MOG: variants seen among roughly 807,000 people sequenced by gnomAD.
MOG encodes the protein myelin-oligodendrocyte glycoprotein.
MOG carries 20 observed loss-of-function variants against 35.9 expected under a neutral mutation model. That is an observed-to-expected ratio of 0.56 (90% CI 0.39 to 0.81). The LOEUF (loss-of-function observed/expected upper bound fraction) is 0.81. Ranked by LOEUF, MOG falls within the 30% of genes least tolerant of loss-of-function variation. The pLI is 0.00. For synonymous variants in MOG, 92 were observed against 114.3 expected (o/e 0.80, Z 1.25); for missense variants, 251 against 301.0 (o/e 0.83, Z 1.23).
rs1317041947 is a variant in MOG at position 29,671,474 on chromosome 6, C to T, written c.*289C>T. On this transcript the variant is annotated 3_prime_UTR_variant, in exon 8 of 8. Transcript: ENST00000376917. ...AAGGACAGGCAGGTGCCCCTCTCTC[C>T]ATCAGAGGACACCTGTACTGGAGAG... 6.2e-6 allele frequency: 9 copies of T among 1,440,928 alleles called. No individual in the cohort carries two copies. The highest frequency in any genetic ancestry group is 8.8e-6 in the Non-Finnish European group (9 of 1,023,428). 89.3% of individuals were successfully genotyped at this position (1,440,928 alleles called of 1,614,324 possible).
chr6:29,666,315 G>A, intron 3 of MOG, 50 bp downstream of exon 3: 1 of 1,051,418 alleles, frequency 9.5e-7, no homozygotes, highest in African/African-American at 1.6e-5. Flanking sequence ...AAATGAGCTG[G>A]CTTCTTGGAG....
chr6:29,658,175 C>T (rs370187371), intron 1 of MOG, among the ~76,000 whole-genome samples: 8 of 152,330 alleles, frequency 5.3e-5, no homozygotes, highest in African/African-American at 1.9e-4. Context: ...AGACTTTGCT[C>T]TGCATAATCA....
chr6:29,666,282 G>A lies in MOG; in HGVS notation c.550+17G>A, dbSNP rs1770202666. 1 of 1,464,218 alleles carries A rather than the reference G, an allele frequency of 6.8e-7. No individual in the cohort carries two copies. Among genetic ancestry groups the A allele is most frequent in the South Asian group, 1.1e-5 (1 of 88,100 alleles). The allele number at this position is 1,464,218 out of a possible 1,614,324, so 90.7% of individuals were successfully genotyped here. On this transcript the variant is annotated intron_variant, in intron 3 of 7. Coordinates refer to ENST00000376917, the MANE Select transcript of MOG (RefSeq NM_206809.4). ...GACTGAGAGGTACAGGGCAGAGGGT[G>A]GGTGGATCAGGATCCTTTCTTTAAA...
Position 29,666,148 on chromosome 6 carries a change from T to G in MOG, c.437-4T>G. On this transcript the variant is annotated splice_polypyrimidine_tract_variant and splice_region_variant and intron_variant, in intron 2 of 7. Transcript: ENST00000376917. ...CAATGTCAAATGTCAGTCCTGCCTTTCAGATCCTTTCTACTGGGTGAGCCC... is the reference window on the plus strand; with the variant it reads ...CAATGTCAAATGTCAGTCCTGCCTTGCAGATCCTTTCTACTGGGTGAGCCC... The G allele has an allele frequency of 1.2e-6, 2 of 1,601,772 alleles. No homozygotes were observed. Among genetic ancestry groups the G allele is most frequent in the South Asian group, 1.1e-5 (1 of 90,870 alleles).
intron 1 of MOG, among the ~76,000 whole-genome samples, chr6:29,657,930 C>T (rs1474350388): frequency 6.6e-6 from 1 of 152,166 alleles, no homozygotes; most frequent in South Asian, 2.1e-4. Flanking sequence ...CAGGCATGAG[C>T]CATTGCGTCT....
In MOG at chr6:29,670,091, A is replaced by T; in HGVS notation, c.593-190A>T. 1 of 1,004,558 alleles carries T rather than the reference A, an allele frequency of 1.0e-6. No homozygotes were observed. Among genetic ancestry groups the T allele is most frequent in the African/African-American group, 1.6e-5 (1 of 62,858 alleles). The allele number at this position is 1,004,558 out of a possible 1,614,324, so 62.2% of individuals were successfully genotyped here. A position where few individuals can be genotyped will look rare whatever the true frequency, so the allele number is the denominator to read the frequency against. On this transcript the variant is annotated intron_variant, in intron 5 of 7. Coordinates refer to ENST00000376917, the MANE Select transcript of MOG (RefSeq NM_206809.4). This position sits in a 1 kb window ranked among gnomAD's most constrained non-coding sequence, Gnocchi z 4.2. ...GCAGTTGTTACATTTTTAATGAAAG[A>T]AAATGTTAAATCCAGTTATTGAAAA... is the stretch of plus-strand genomic sequence containing the variant.
chr6:29,665,333 C>A (rs182714491), intron 2 of MOG, among the ~76,000 whole-genome samples: 2,842 of 151,886 alleles, frequency 0.019, 44 homozygotes, highest in Admixed American at 0.034. Context: ...CAACCTCAGG[C>A]GATCCGCCCG....
chr6:29,662,072 C>T lies in MOG; in HGVS notation c.436+2406C>T. On this transcript the variant is annotated intron_variant, in intron 2 of 7. Coordinates refer to ENST00000376917, the MANE Select transcript of MOG (RefSeq NM_206809.4). The surrounding 1 kb of genome is among the most constrained non-coding windows in gnomAD (Gnocchi z 4.2). ...TATTGCAAGTCTCAGGTGTAACTAC[C>T]TCTGCTCTTTCTCTGAAGAGTTTCT... 3.0e-6 allele frequency: 3 copies of T among 985,376 alleles called. No individual in the cohort carries two copies. The highest frequency in any genetic ancestry group is 3.6e-6 in the Non-Finnish European group (3 of 829,906). 61.0% of individuals were successfully genotyped at this position (985,376 alleles called of 1,614,324 possible).
At chr6:29,665,536 A>G (rs114103542) in intron 2 of MOG, among the ~76,000 whole-genome samples, 1,632 of 151,884 alleles carry the variant, frequency 0.011, no homozygotes, top group Admixed American at 0.02. Flanking sequence ...TTTATTCCCT[A>G]TTTAAGCTTT....
chr6:29,667,644 A>G lies in MOG; in HGVS notation c.552A>G (p.Gly184=). ...IFLCLQYRLR[G]KLRAEIENLH... ...AAATGTTGCCTTTTTCTATTTTAGGAAAACTTCGAGCAGAGATAGGTGAGT... is the reference window on the plus strand; with the variant it reads ...AAATGTTGCCTTTTTCTATTTTAGGGAAACTTCGAGCAGAGATAGGTGAGT... The change falls in exon 4 of 8, where the codon GGA becomes GGG. Residue 184 remains glycine, a splice_region_variant and synonymous_variant. Coordinates refer to ENST00000376917, the MANE Select transcript of MOG (RefSeq NM_206809.4). 6.2e-7 allele frequency: 1 copy of G among 1,613,830 alleles called. No individual in the cohort carries two copies. Among genetic ancestry groups the G allele is most frequent in the South Asian group, 1.1e-5 (1 of 91,058 alleles).
rs2127542506 is a variant in MOG at position 29,672,293 on chromosome 6, T to TAAAC, written c.*1111_*1112insCAAA. 1.2e-5 allele frequency: 1 copy of TAAAC among 84,466 alleles called. No homozygotes were observed. Among genetic ancestry groups the TAAAC allele is most frequent in the South Asian group, 4.5e-4 (1 of 2,222 alleles). 5.2% of individuals were successfully genotyped at this position (84,466 alleles called of 1,614,324 possible). On this transcript the variant is annotated 3_prime_UTR_variant, in exon 8 of 8. Coordinates refer to ENST00000376917, the MANE Select transcript of MOG (RefSeq NM_206809.4). ...ACAGAGTAAGACTCTGTCTCAAAAA[T>TAAAC]AAATAAATAAATAAATAAATAAATA...
At chr6:29,669,978 C>T (rs1771099665) in intron 5 of MOG, 1 of 652,652 alleles carries the variant, frequency 1.5e-6, no homozygotes, top group East Asian at 2.7e-5. Flanking sequence ...ACCATGTTGG[C>T]CTGGCTGGTC....
chr6:29,662,583 C>T lies in MOG; in HGVS notation c.436+2917C>T, dbSNP rs2982834. ...ACTTGTCAATCCAGGGACCACCCAC[C>T]TCACCGGCTCCCCACTCATTACCAC... On this transcript the variant is annotated intron_variant, in intron 2 of 7. Coordinates refer to ENST00000376917, the MANE Select transcript of MOG (RefSeq NM_206809.4). This position sits in a 1 kb window ranked among gnomAD's most constrained non-coding sequence, Gnocchi z 4.2. Among the ~76,000 whole-genome samples, 10,909 of 152,218 alleles carry T rather than the reference C, an allele frequency of 0.072. 728 individuals are homozygous for T. Among genetic ancestry groups the T allele is most frequent in the African/African-American group, 0.17 (7,095 of 41,502 alleles).
In MOG at chr6:29,670,103, C is replaced by A; in HGVS notation, c.593-178C>A. ...TTTTTAATGAAAGAAAATGTTAAAT[C>A]CAGTTATTGAAAATAAGGAGGCAGT... On this transcript the variant is annotated intron_variant, in intron 5 of 7. Coordinates refer to ENST00000376917, the MANE Select transcript of MOG (RefSeq NM_206809.4). This position sits in a 1 kb window ranked among gnomAD's most constrained non-coding sequence, Gnocchi z 4.2. The A allele has an allele frequency of 1.9e-6, 2 of 1,053,048 alleles. No homozygotes were observed. Among genetic ancestry groups the A allele is most frequent in the Non-Finnish European group, 3.0e-6 (2 of 675,456 alleles). 65.2% of individuals were successfully genotyped at this position (1,053,048 alleles called of 1,614,324 possible). A position where few individuals can be genotyped will look rare whatever the true frequency, so the allele number is the denominator to read the frequency against.
intron 5 of MOG, among the ~76,000 whole-genome samples, chr6:29,669,409 G>C (rs1485898823): frequency 6.6e-6 from 1 of 151,768 alleles, no homozygotes; most frequent in Non-Finnish European, 1.5e-5. Context: ...TCCTGCCTCA[G>C]CCTCCCAAGT....
At chr6:29,661,816 C>CAAAAA (rs9278231) in intron 2 of MOG, 4 of 874,354 alleles carry the variant, frequency 4.6e-6, no homozygotes, top group Non-Finnish European at 5.2e-6. Flanking sequence ...AACTCCATCT[C>CAAAAA]AAAAAAAAAA....
chr6:29,672,289 AAAAT>A lies in MOG; in HGVS notation c.*1148_*1151del, dbSNP rs200245124. 35,189 of 167,622 alleles carry A rather than the reference AAAAT, an allele frequency of 0.21. 3,831 individuals are homozygous for A. Among genetic ancestry groups the A allele is most frequent in the East Asian group, 0.26 (1,721 of 6,728 alleles). 10.4% of individuals were successfully genotyped at this position (167,622 alleles called of 1,614,324 possible). ...AGTGACAGAGTAAGACTCTGTCTCA[AAAAT>A]AAATAAATAAATAAATAAATAAATA... On this transcript the variant is annotated 3_prime_UTR_variant, in exon 8 of 8. Coordinates refer to ENST00000376917, the MANE Select transcript of MOG (RefSeq NM_206809.4).
Position 29,671,334 on chromosome 6 carries a change from A to T in MOG, c.*149A>T. The stretch of plus-strand genomic sequence containing the variant: ...CACTTTCAGGAACACTCTGAATTCC[A>T]AGTAGAATTGATTTCCCTTCTTCTG... On this transcript the variant is annotated 3_prime_UTR_variant, in exon 8 of 8. Transcript: ENST00000376917. 2 of 1,611,836 alleles carry T rather than the reference A, an allele frequency of 1.2e-6. No individual in the cohort carries two copies. Among genetic ancestry groups the T allele is most frequent in the South Asian group, 2.2e-5 (2 of 91,018 alleles).
intron 4 of MOG, 111 bp from the exon 5 acceptor site, chr6:29,667,792 GT>G: frequency 6.5e-7 from 1 of 1,530,430 alleles, no homozygotes; most frequent in Non-Finnish European, 9.1e-7. Context: ...TTTCTCTACA[GT>G]GGGTGTGTCG....
Sources: gnomAD v4.1 joint callset for allele counts (sites outside exome capture counted in the v4.1 genomes callset) on GRCh38, gnomAD v4.1.1 for gene constraint, Gnocchi (gnomAD v3.1) non-coding constraint, MANE v1.5 for transcripts, NCBI Gene and HGNC (gene_info 2026-07-23, HGNC 2026-07-21) for gene names.